Variants in FRMD6 observed in about 807,000 individuals in gnomAD.
The protein encoded by FRMD6 is FERM domain-containing protein 6.
FRMD6 carries 37 observed loss-of-function variants against 73.2 expected under a neutral mutation model. The ratio of observed to expected loss-of-function variants is 0.51; its 90% CI spans 0.39 to 0.66. The LOEUF is 0.66. Ranked by LOEUF, FRMD6 falls within the 30% of genes least tolerant of loss-of-function variation. FRMD6 has a pLI of 0.00. For synonymous variants in FRMD6, 273 were observed against 282.2 expected (o/e 0.97, Z 0.33); for missense variants, 714 against 780.5 (o/e 0.91, Z 1.02).
chr14:51,485,995 T>C (rs529557926), upstream of FRMD6, among the ~76,000 whole-genome samples: 4 of 151,888 alleles, frequency 2.6e-5, no homozygotes, highest in African/African-American at 9.7e-5. Context: ...CCAACCATAC[T>C]TGCAAGTTTG....
rs542318638 is a variant in FRMD6 at position 51,523,346 on chromosome 14, A to T, written c.-210+33926A>T. Among the ~76,000 whole-genome samples, 7 of 152,310 alleles carry T rather than the reference A, an allele frequency of 4.6e-5. No individual in the cohort carries two copies. The South Asian group carries it at 1.5e-3, about 32-fold the overall frequency. ...AGCATGAAAAACAGGCAGAAAAAAA[A>T]GGTGCCTTGGTGGGGCAAGATAAGA... On this transcript the variant is annotated intron_variant, in intron 1 of 14. Coordinates refer to the FRMD6 transcript ENST00000356218.
the FRMD6 span, among the ~76,000 whole-genome samples, chr14:51,429,909 C>T: frequency 6.6e-6 from 1 of 152,088 alleles, no homozygotes; most frequent in Non-Finnish European, 1.5e-5. Flanking sequence ...TCTTGATTGC[C>T]CTGACTCAGT....
At chr14:51,719,921 A>G (rs1173519524) in intron 10 of FRMD6, 134 bp from the exon 11 acceptor site, 2 of 664,192 alleles carry the variant, frequency 3.0e-6, no homozygotes, top group Non-Finnish European at 5.1e-6. Context: ...TCAAATTCCT[A>G]TCTAAATTAT....
chr14:51,653,140 T>G lies in FRMD6; in HGVS notation c.-147+1144T>G, dbSNP rs143939530. ...CAAGCGTTCTCAGGTTGCTTCTGAC[T>G]TCCAGCCTGTGCTCTCCAGCATTTC... is the stretch of plus-strand genomic sequence containing the variant. On this transcript the variant is annotated intron_variant, in intron 1 of 13. Transcript: ENST00000344768. 1.5e-3 allele frequency among the ~76,000 whole-genome samples: 231 copies of G among 152,352 alleles called. 1 individual carries two copies. Among genetic ancestry groups the G allele is most frequent in the African/African-American group, 5.3e-3 (221 of 41,578 alleles).
At chr14:51,517,964 G>C (rs1354005763) in intron 1 of FRMD6, among the ~76,000 whole-genome samples, 3 of 152,140 alleles carry the variant, frequency 2.0e-5, no homozygotes, top group African/African-American at 7.2e-5. Flanking sequence ...TGAAATTTTT[G>C]AGTAGTCTCA....
At chr14:51,515,879 C>T (rs2140275685) in intron 1 of FRMD6, among the ~76,000 whole-genome samples, 1 of 152,290 alleles carries the variant, frequency 6.6e-6, no homozygotes, top group East Asian at 1.9e-4. Flanking sequence ...AAGCCAGCTT[C>T]CAATACAAAT....
chr14:51,716,295 TG>T (rs1299788731), intron 10 of FRMD6, among the ~76,000 whole-genome samples: 5 of 151,996 alleles, frequency 3.3e-5, no homozygotes, highest in African/African-American at 7.3e-5. Flanking sequence ...TATTTGGGTT[TG>T]TTTTTTTTTT....
chr14:51,490,860 T>C (rs1289990582), intron 1 of FRMD6, among the ~76,000 whole-genome samples: 2 of 152,200 alleles, frequency 1.3e-5, no homozygotes, highest in Non-Finnish European at 2.9e-5. Context: ...CTCTCAGTAC[T>C]GGGCTCAAGC....
chr14:51,565,834 T>C (rs1596613478), intron 1 of FRMD6, among the ~76,000 whole-genome samples: 1 of 152,116 alleles, frequency 6.6e-6, no homozygotes, highest in Non-Finnish European at 1.5e-5. Context: ...GAAAGTTTAA[T>C]GGATCTCTCC....
At chr14:51,567,988 G>A (rs562930715) in intron 1 of FRMD6, among the ~76,000 whole-genome samples, 6 of 152,272 alleles carry the variant, frequency 3.9e-5, no homozygotes, top group East Asian at 1.9e-4. Context: ...TTCGTGTCTC[G>A]AAGTTCCTGA....
At chr14:51,723,917 G>A (rs1188620833) in intron 12 of FRMD6, among the ~76,000 whole-genome samples, 1 of 151,976 alleles carries the variant, frequency 6.6e-6, no homozygotes, top group African/African-American at 2.4e-5. Flanking sequence ...TATATAAAAT[G>A]TCATCTAATT....
intron 2 of FRMD6, among the ~76,000 whole-genome samples, chr14:51,588,056 G>C (rs1174593166): frequency 6.6e-6 from 1 of 151,784 alleles, no homozygotes; most frequent in African/African-American, 2.4e-5. Flanking sequence ...CTGTATTACT[G>C]TGCTATTTCA....
At chr14:51,401,682 A>G in the FRMD6 span, among the ~76,000 whole-genome samples, 4 of 151,872 alleles carry the variant, frequency 2.6e-5, no homozygotes, top group Admixed American at 6.6e-5. Context: ...TGCTAATGTC[A>G]ACAGGGCTCG....
chr14:51,610,015 T>C (rs1890422762), intron 2 of FRMD6, among the ~76,000 whole-genome samples: 1 of 152,164 alleles, frequency 6.6e-6, no homozygotes, highest in South Asian at 2.1e-4. Flanking sequence ...TCCAGCTGTA[T>C]GTGGCTATAG....
At chr14:51,625,375 A>G (rs769349929) in intron 2 of FRMD6, among the ~76,000 whole-genome samples, 5 of 152,176 alleles carry the variant, frequency 3.3e-5, no homozygotes, top group Non-Finnish European at 7.4e-5. Context: ...ATAGATGATG[A>G]AACTGAAAAC....
intron 2 of FRMD6, among the ~76,000 whole-genome samples, chr14:51,612,045 T>C (rs1025781920): frequency 4.6e-5 from 7 of 152,334 alleles, no homozygotes; most frequent in African/African-American, 1.7e-4. Flanking sequence ...ATCTTTTTCT[T>C]CTATTTATTT....
At chr14:51,591,735 G>A (rs1476791270) in intron 2 of FRMD6, among the ~76,000 whole-genome samples, 2 of 152,080 alleles carry the variant, frequency 1.3e-5, no homozygotes, top group Admixed American at 1.3e-4. Flanking sequence ...TAGAGACGGG[G>A]TTTCACCATG....
chr14:51,565,852 C>T (rs1373248244), intron 1 of FRMD6, among the ~76,000 whole-genome samples: 1 of 152,122 alleles, frequency 6.6e-6, no homozygotes, highest in Non-Finnish European at 1.5e-5. Flanking sequence ...TCCAAGTTCA[C>T]AGAGCTGTTT....
chr14:51,506,748 A>T (rs1233251409), intron 1 of FRMD6, among the ~76,000 whole-genome samples: 1 of 152,210 alleles, frequency 6.6e-6, no homozygotes, highest in East Asian at 1.9e-4. Context: ...ACCTGTTTAT[A>T]TCAATAACCT....
Sources: gnomAD v4.1 joint callset for allele counts (sites outside exome capture counted in the v4.1 genomes callset) on GRCh38, gnomAD v4.1.1 for gene constraint, MANE v1.5 for transcripts, NCBI Gene and HGNC (gene_info 2026-07-23, HGNC 2026-07-21) for gene names.